Variants in CACNG3 observed in about 807,000 individuals in gnomAD.
CACNG3 encodes calcium voltage-gated channel auxiliary subunit gamma 3.
CACNG3 carries 3 observed loss-of-function variants against 28.5 expected under a neutral mutation model. The ratio of observed to expected loss-of-function variants is 0.11; its 90% CI spans 0.05 to 0.27. The LOEUF is 0.27. Ranked by LOEUF, CACNG3 falls within the 10% of genes least tolerant of loss-of-function variation. The pLI is 1.00. For missense variants in CACNG3, 236 were observed against 414.4 expected, an observed-to-expected ratio of 0.57 and a Z score of 3.74; for synonymous variants, 174 against 162.2, an observed-to-expected ratio of 1.07 and a Z score of -0.55.
At chr16:24,316,595 G>A (rs181490982) in intron 1 of CACNG3, among the ~76,000 whole-genome samples, 2 of 152,126 alleles carry the variant, frequency 1.3e-5, no homozygotes, top group Admixed American at 1.3e-4. Context: ...GTGGCTTCCC[G>A]GTGCTCTGGG....
At chr16:24,311,166 C>T (rs552576263) in intron 1 of CACNG3, among the ~76,000 whole-genome samples, 12 of 152,166 alleles carry the variant, frequency 7.9e-5, no homozygotes, top group Admixed American at 2.0e-4. Flanking sequence ...CTGTAAAACG[C>T]GGACAGTGTT....
At chr16:24,296,549 A>C (rs1442689194) in intron 1 of CACNG3, among the ~76,000 whole-genome samples, 1 of 152,030 alleles carries the variant, frequency 6.6e-6, no homozygotes, top group Non-Finnish European at 1.5e-5. Context: ...GCTTGCTGGG[A>C]TGTGTGCTCA....
intron 1 of CACNG3, among the ~76,000 whole-genome samples, chr16:24,323,609 C>T (rs1899495722): frequency 6.6e-6 from 1 of 152,160 alleles, no homozygotes. Flanking sequence ...GCAGTTGATA[C>T]TGAGGTTGGA....
At chr16:24,306,265 C>T (rs1253526632) in intron 1 of CACNG3, among the ~76,000 whole-genome samples, 1 of 152,208 alleles carries the variant, frequency 6.6e-6, no homozygotes, top group East Asian at 1.9e-4. Flanking sequence ...GTTGGAAGCT[C>T]AGGGTTTCTA....
At chr16:24,295,096 C>T (rs1046641495) in intron 1 of CACNG3, among the ~76,000 whole-genome samples, 1 of 152,164 alleles carries the variant, frequency 6.6e-6, no homozygotes, top group African/African-American at 2.4e-5. Flanking sequence ...AGACCAAGTC[C>T]TAGACCTCCA....
chr16:24,340,710 A>C (rs1899774288), intron 1 of CACNG3, among the ~76,000 whole-genome samples: 1 of 152,182 alleles, frequency 6.6e-6, no homozygotes. Context: ...CAGTCTCTAC[A>C]ACTGCACTTC....
intron 1 of CACNG3, among the ~76,000 whole-genome samples, chr16:24,297,981 A>G (rs893686155): frequency 1.6e-5 from 2 of 123,462 alleles, no homozygotes; most frequent in Non-Finnish European, 3.3e-5. Flanking sequence ...TTCTTTTTCA[A>G]AAGATCTGTG....
intron 1 of CACNG3, among the ~76,000 whole-genome samples, chr16:24,258,373 A>T (rs1898496814): frequency 6.6e-6 from 1 of 152,208 alleles, no homozygotes; most frequent in South Asian, 2.1e-4. Context: ...TTAATGCAGC[A>T]AGGATCATGT....
intron 1 of CACNG3, among the ~76,000 whole-genome samples, chr16:24,312,231 C>T (rs1208805844): frequency 6.6e-6 from 1 of 152,226 alleles, no homozygotes; most frequent in African/African-American, 2.4e-5. Context: ...TGCTATGCCA[C>T]AAGTCCCTCC....
At chr16:24,284,451 G>T (rs981352348) in intron 1 of CACNG3, among the ~76,000 whole-genome samples, 11 of 152,064 alleles carry the variant, frequency 7.2e-5, no homozygotes, top group African/African-American at 2.2e-4. Context: ...TTAGTCTAGG[G>T]TTAAATAGTG....
chr16:24,341,612 A>G (rs1460341054), intron 1 of CACNG3, among the ~76,000 whole-genome samples: 1 of 152,246 alleles, frequency 6.6e-6, no homozygotes, highest in Non-Finnish European at 1.5e-5. Flanking sequence ...TACTATTATT[A>G]TCTTCATTCT....
At chr16:24,338,314 C>A (rs1381646873) in intron 1 of CACNG3, among the ~76,000 whole-genome samples, 1 of 151,958 alleles carries the variant, frequency 6.6e-6, no homozygotes, top group Non-Finnish European at 1.5e-5. Context: ...ATCACATCAT[C>A]CTGTTTTGTA....
intron 1 of CACNG3, among the ~76,000 whole-genome samples, chr16:24,329,223 GCA>G (rs1405033617): frequency 6.6e-6 from 1 of 152,194 alleles, no homozygotes; most frequent in Non-Finnish European, 1.5e-5. Flanking sequence ...GATGTCAGGT[GCA>G]GTTAATGGTT....
chr16:24,312,920 G>GAAAGA (rs1899285369), intron 1 of CACNG3, among the ~76,000 whole-genome samples: 142 of 122,124 alleles, frequency 1.2e-3, no homozygotes, highest in African/African-American at 4.0e-3. Context: ...AGGAAGGAAG[G>GAAAGA]AAGAAAGAAA....
At chr16:24,277,851 G>T (rs775166978) in intron 1 of CACNG3, among the ~76,000 whole-genome samples, 1 of 151,720 alleles carries the variant, frequency 6.6e-6, no homozygotes, top group Non-Finnish European at 1.5e-5. Flanking sequence ...GATCTAAATT[G>T]ATGTATGTAT....
At chr16:24,288,147 T>G (rs60628932) in intron 1 of CACNG3, among the ~76,000 whole-genome samples, 1,595 of 152,256 alleles carry the variant, frequency 0.01, 37 homozygotes, top group African/African-American at 0.037. Flanking sequence ...CTTAGCAGCA[T>G]CAGGATAACT....
At chr16:24,308,863 A>AAG (rs1486310138) in intron 1 of CACNG3, among the ~76,000 whole-genome samples, 23 of 149,542 alleles carry the variant, frequency 1.5e-4, no homozygotes, top group African/African-American at 5.7e-4. Flanking sequence ...AAAAAAAAAA[A>AAG]AAAAGAAAAG....
chr16:24,361,635 C>T lies in CACNG3; in HGVS notation c.720C>T (p.Thr240=), dbSNP rs192667852. 3.4e-5 allele frequency: 55 copies of T among 1,613,852 alleles called. No homozygotes were observed. The highest frequency in any genetic ancestry group is 2.5e-5 in the Non-Finnish European group (30 of 1,179,884). ...RFRRRSSSRS[T]EPRSRDLSPI... ...GGAGGCGGTCAAGTTCTCGCTCCAC[C>T]GAGCCCAGATCCCGAGACCTGTCCC... The change falls in exon 4 of 4, where the codon ACC becomes ACT. Residue 240 remains threonine, a synonymous_variant. Coordinates refer to ENST00000005284, the MANE Select transcript of CACNG3 (RefSeq NM_006539.4). The surrounding 1 kb of genome is among the most constrained non-coding windows in gnomAD (Gnocchi z 6.8).
At chr16:24,272,261 G>A (rs1898700670) in intron 1 of CACNG3, among the ~76,000 whole-genome samples, 1 of 152,010 alleles carries the variant, frequency 6.6e-6, no homozygotes, top group Non-Finnish European at 1.5e-5. Flanking sequence ...CAATATAAAT[G>A]TTTAAAACAA....
Sources: allele counts gnomAD v4.1 joint callset (sites outside exome capture counted in the v4.1 genomes callset), GRCh38; gene constraint gnomAD v4.1.1; non-coding constraint Gnocchi (gnomAD v3.1); transcripts MANE v1.5; gene names NCBI Gene and HGNC (gene_info 2026-07-23, HGNC 2026-07-21).